Variants in TAFA2 observed in about 807,000 individuals in gnomAD.
TAFA2 encodes TAFA chemokine like family member 2, also known as chemokine-like protein TAFA-2.
Under a neutral mutation model 18.8 loss-of-function variants are expected in TAFA2, and 7 were observed. The observed-to-expected ratio is 0.37, with a 90% CI of 0.21 to 0.70. The LOEUF (loss-of-function observed/expected upper bound fraction) is 0.70, where lower values mean the gene tolerates loss of function less well. TAFA2 is among the 30% of genes least tolerant of loss of function. TAFA2 has a pLI of 0.53. For missense variants in TAFA2, 122 were observed against 158.1 expected (o/e 0.77, Z 1.23); for synonymous variants, 60 against 54.2 (o/e 1.11, Z -0.47).
At chr12:62,216,806 G>A (rs888645594) in intron 1 of TAFA2, among the ~76,000 whole-genome samples, 6 of 152,114 alleles carry the variant, frequency 3.9e-5, no homozygotes, top group Non-Finnish European at 8.8e-5. Flanking sequence ...AAAGATGCCC[G>A]AACTGGTCAT....
At chr12:62,042,280 G>A (rs1442109134) in intron 1 of TAFA2, among the ~76,000 whole-genome samples, 3 of 152,016 alleles carry the variant, frequency 2.0e-5, no homozygotes, top group Non-Finnish European at 2.9e-5. Flanking sequence ...ACTGTTAACA[G>A]TTCTAGGCCA....
At chr12:61,787,898 G>T (rs144057050) in intron 2 of TAFA2, among the ~76,000 whole-genome samples, 1 of 151,606 alleles carries the variant, frequency 6.6e-6, no homozygotes, top group East Asian at 1.9e-4. Context: ...CCAGTTAAAA[G>T]ATATAGAGCG....
intron 1 of TAFA2, among the ~76,000 whole-genome samples, chr12:62,202,337 A>G (rs1186407167): frequency 1.4e-5 from 2 of 147,552 alleles, no homozygotes; most frequent in Admixed American, 6.7e-5. Context: ...TAGATTTGAG[A>G]TCTTTCTAGT....
intron 1 of TAFA2, among the ~76,000 whole-genome samples, chr12:61,900,855 C>T (rs1353237783): frequency 1.3e-5 from 2 of 152,068 alleles, no homozygotes. Flanking sequence ...TTTAATGATG[C>T]TTGTTTTTAA....
chr12:61,800,213 C>G (rs1341172584), intron 2 of TAFA2, among the ~76,000 whole-genome samples: 3 of 152,072 alleles, frequency 2.0e-5, no homozygotes, highest in African/African-American at 7.2e-5. Context: ...TAATGTTAAT[C>G]ACTTTTATGT....
At chr12:62,184,929 A>G (rs1156727305) in intron 1 of TAFA2, among the ~76,000 whole-genome samples, 7 of 152,202 alleles carry the variant, frequency 4.6e-5, no homozygotes, top group African/African-American at 7.2e-5. Context: ...GCTACAAAGC[A>G]TCTCCAGAGC....
Position 62,071,058 on chromosome 12 carries a change from G to A in TAFA2, c.-2+120201C>T, listed in dbSNP as rs530470417. 9.9e-5 allele frequency among the ~76,000 whole-genome samples: 15 copies of A among 152,268 alleles called. No homozygotes were observed. In the East Asian group the frequency reaches 1.5e-3, roughly 16 times the overall value. ...CAAAAGAAGTCTTTCAACAAATAAC[G>A]TATTAAACCTCTTGCAGACACAGTT... On this transcript the variant is annotated intron_variant, in intron 1 of 4. Coordinates refer to ENST00000416284, the MANE Select transcript of TAFA2 (RefSeq NM_178539.5).
intron 4 of TAFA2, among the ~76,000 whole-genome samples, chr12:61,745,152 C>T (rs917336269): frequency 2.6e-5 from 4 of 152,028 alleles, no homozygotes; most frequent in Non-Finnish European, 5.9e-5. Context: ...AGGTGTTATA[C>T]CATATTTAGT....
chr12:62,225,073 G>GAC (rs1227333923), intron 1 of TAFA2, among the ~76,000 whole-genome samples: 1 of 151,878 alleles, frequency 6.6e-6, no homozygotes, highest in Admixed American at 6.6e-5. Context: ...CAGCCTGGGC[G>GAC]ACAGAGTGAG....
intron 1 of TAFA2, among the ~76,000 whole-genome samples, chr12:61,910,354 GA>G (rs1453197249): frequency 6.6e-6 from 1 of 152,048 alleles, no homozygotes; most frequent in Non-Finnish European, 1.5e-5. Context: ...TAAATTATAA[GA>G]AATAACTAAA....
chr12:61,836,756 TACACACACAC>T (rs58707678), intron 2 of TAFA2, among the ~76,000 whole-genome samples: 7 of 119,826 alleles, frequency 5.8e-5, no homozygotes, highest in South Asian at 3.3e-4. Flanking sequence ...TATATATATA[TACACACACAC>T]ACACAAATAC....
intron 1 of TAFA2, among the ~76,000 whole-genome samples, chr12:62,131,004 T>C (rs934207766): frequency 2.0e-5 from 3 of 151,976 alleles, no homozygotes; most frequent in African/African-American, 7.2e-5. Context: ...ATTACAATGT[T>C]GATGCAGAAC....
intron 1 of TAFA2, among the ~76,000 whole-genome samples, chr12:62,088,614 TAA>T (rs139428735): frequency 0.018 from 1,875 of 104,394 alleles, 46 homozygotes; most frequent in African/African-American, 0.059. Flanking sequence ...TGGACCACAT[TAA>T]AAAAAAAAAA....
At chr12:61,905,984 A>C (rs1278851738) in intron 1 of TAFA2, among the ~76,000 whole-genome samples, 1 of 152,152 alleles carries the variant, frequency 6.6e-6, no homozygotes, top group Non-Finnish European at 1.5e-5. Context: ...ATACATCTTT[A>C]CTACTTTAAT....
At chr12:61,783,373 T>G (rs548812595) in intron 2 of TAFA2, among the ~76,000 whole-genome samples, 14 of 151,672 alleles carry the variant, frequency 9.2e-5, no homozygotes, top group Admixed American at 2.0e-4. Context: ...AGAATCAACT[T>G]TATTTCTGGT....
intron 4 of TAFA2, among the ~76,000 whole-genome samples, chr12:61,747,553 A>G (rs1343472482): frequency 1.3e-5 from 2 of 150,734 alleles, no homozygotes; most frequent in Non-Finnish European, 2.9e-5. Context: ...TGATGAGTTC[A>G]TGTCCTTTGT....
At chr12:62,080,024 C>T (rs1353498840) in intron 1 of TAFA2, among the ~76,000 whole-genome samples, 1 of 152,220 alleles carries the variant, frequency 6.6e-6, no homozygotes, top group Non-Finnish European at 1.5e-5. Context: ...GCTGCATTCT[C>T]ATCCGGAGCT....
intron 1 of TAFA2, among the ~76,000 whole-genome samples, chr12:61,907,082 G>A (rs1268073365): frequency 1.3e-5 from 2 of 152,214 alleles, no homozygotes; most frequent in Admixed American, 6.5e-5. Context: ...GCCTGATGAT[G>A]TGATAGAAAA....
chr12:62,216,307 C>G (rs1053857589), intron 1 of TAFA2, among the ~76,000 whole-genome samples: 7 of 152,082 alleles, frequency 4.6e-5, no homozygotes, highest in African/African-American at 1.7e-4. Flanking sequence ...GGAATAAGAC[C>G]CATATAGTAG....
Sources: gnomAD v4.1 joint callset for allele counts (sites outside exome capture counted in the v4.1 genomes callset) on GRCh38, gnomAD v4.1.1 for gene constraint, MANE v1.5 for transcripts, NCBI Gene and HGNC (gene_info 2026-07-23, HGNC 2026-07-21) for gene names.